Variants in FHIT observed in about 807,000 individuals in gnomAD.
FHIT encodes the protein bis(5'-adenosyl)-triphosphatase.
In FHIT, 19 loss-of-function variants were observed where a neutral mutation model predicts 17.9. The ratio of observed to expected loss-of-function variants is 1.06; its 90% CI spans 0.74 to 1.56. The LOEUF is 1.56. Ranked by LOEUF, FHIT falls within the 40% of genes most tolerant of loss-of-function variation. FHIT has a pLI of 0.00. For missense variants in FHIT, 248 were observed against 189.2 expected, an observed-to-expected ratio of 1.31 and a Z score of -1.82; for synonymous variants, 81 against 69.7, an observed-to-expected ratio of 1.16 and a Z score of -0.81.
intron 4 of FHIT, among the ~76,000 whole-genome samples, chr3:60,643,515 T>G (rs192594935): frequency 6.6e-6 from 1 of 152,038 alleles, no homozygotes; most frequent in Non-Finnish European, 1.5e-5. Context: ...CGAGGCAGAG[T>G]GATCTTAACT....
chr3:60,205,477 G>T (rs1339978889), intron 5 of FHIT, among the ~76,000 whole-genome samples: 3 of 152,160 alleles, frequency 2.0e-5, no homozygotes, highest in South Asian at 4.1e-4. Context: ...AAAGATAAAG[G>T]TTGTTCATCA....
intron 2 of FHIT, among the ~76,000 whole-genome samples, chr3:61,128,000 TA>T (rs2036660003): frequency 6.6e-6 from 1 of 152,170 alleles, no homozygotes; most frequent in Admixed American, 6.6e-5. Context: ...ATTAAACGGG[TA>T]AAAAATAGAA....
chr3:60,473,054 G>C (rs951395583), intron 5 of FHIT, among the ~76,000 whole-genome samples: 24 of 151,938 alleles, frequency 1.6e-4, no homozygotes, highest in Non-Finnish European at 3.4e-4. Context: ...TTGATCCTTT[G>C]CTTTAAAAAA....
At chr3:60,045,942 G>A (rs1192479060) in intron 5 of FHIT, among the ~76,000 whole-genome samples, 1 of 152,202 alleles carries the variant, frequency 6.6e-6, no homozygotes, top group Admixed American at 6.5e-5. Flanking sequence ...GAGGGTTAGG[G>A]TGGAGATTCT....
At position 60,984,490 on chromosome 3, in the gene FHIT, A is replaced by G. The variant is rs1710634086; in HGVS notation, c.-111+57557T>C. Among the ~76,000 whole-genome samples, 5 of 152,310 alleles carry G rather than the reference A, an allele frequency of 3.3e-5. No individual in the cohort carries two copies. In the South Asian group the frequency reaches 8.3e-4, roughly 25 times the overall value. ...TACTTGGCAAGTGAAATGTGCTATC[A>G]TATGGTACCAAGAATGTTCGCAGCT... On this transcript the variant is annotated intron_variant, in intron 3 of 9. Coordinates refer to ENST00000492590, the MANE Select transcript of FHIT (RefSeq NM_002012.4).
intron 5 of FHIT, among the ~76,000 whole-genome samples, chr3:60,181,187 C>T (rs1435933611): frequency 6.9e-6 from 1 of 144,560 alleles, no homozygotes; most frequent in East Asian, 2.1e-4. Context: ...CACTCTGTCA[C>T]CAGGCTGGAG....
At chr3:60,186,364 T>C (rs1184071206) in intron 5 of FHIT, among the ~76,000 whole-genome samples, 2 of 152,194 alleles carry the variant, frequency 1.3e-5, no homozygotes, top group Admixed American at 6.5e-5. Flanking sequence ...CTACCACCAT[T>C]TGTTGAAAAG....
chr3:60,704,743 C>A (rs755080444), intron 4 of FHIT, among the ~76,000 whole-genome samples: 1 of 152,056 alleles, frequency 6.6e-6, no homozygotes, highest in Non-Finnish European at 1.5e-5. Flanking sequence ...CAGGGTCATA[C>A]CTTCCTTACT....
intron 3 of FHIT, among the ~76,000 whole-genome samples, chr3:61,000,192 C>A (rs2107601796): frequency 6.6e-6 from 1 of 152,222 alleles, no homozygotes; most frequent in South Asian, 2.1e-4. Context: ...AGGAGGTATG[C>A]CTTTGGGAGA....
chr3:60,653,579 T>A (rs782265668), intron 4 of FHIT, among the ~76,000 whole-genome samples: 9 of 151,938 alleles, frequency 5.9e-5, no homozygotes, highest in Non-Finnish European at 1.3e-4. Flanking sequence ...GAAAGATGAA[T>A]GTTCAAAGTA....
chr3:60,640,516 G>C (rs1301164939), intron 4 of FHIT, among the ~76,000 whole-genome samples: 1 of 152,128 alleles, frequency 6.6e-6, no homozygotes, highest in Non-Finnish European at 1.5e-5. Context: ...AGTTACATGG[G>C]ATGTTTATTT....
intron 8 of FHIT, among the ~76,000 whole-genome samples, chr3:59,778,166 T>C (rs1442298144): frequency 6.6e-6 from 1 of 152,184 alleles, no homozygotes; most frequent in East Asian, 1.9e-4. Context: ...GATCAATAAG[T>C]ATCTACTGAA....
chr3:61,210,761 G>A (rs2039438234), intron 1 of FHIT, among the ~76,000 whole-genome samples: 1 of 151,968 alleles, frequency 6.6e-6, no homozygotes, highest in Non-Finnish European at 1.5e-5. Context: ...TCCCGGATAA[G>A]GCAATGCCTC....
In FHIT at chr3:60,892,296, C is replaced by A. The variant is rs1286143351; in HGVS notation, c.-110-70285G>T. 2.6e-5 allele frequency among the ~76,000 whole-genome samples: 4 copies of A among 152,100 alleles called. No homozygotes were observed. The East Asian group carries it at 7.7e-4, about 29-fold the overall frequency. On this transcript the variant is annotated intron_variant, in intron 3 of 9. Coordinates refer to ENST00000492590, the MANE Select transcript of FHIT (RefSeq NM_002012.4). ...TAAAGTAAGCAAGCCCATAGCCTCCCCTGGAAGGCACTGCCATTGTTTCCA... is the reference window on the plus strand; with the variant it reads ...TAAAGTAAGCAAGCCCATAGCCTCCACTGGAAGGCACTGCCATTGTTTCCA...
chr3:61,193,275 T>C (rs1356538126), intron 2 of FHIT, among the ~76,000 whole-genome samples: 1 of 152,214 alleles, frequency 6.6e-6, no homozygotes, highest in Non-Finnish European at 1.5e-5. Context: ...GAGCAGTTCC[T>C]TAAAGTAGTG....
Position 59,829,443 on chromosome 3 carries a change from C to T in FHIT, c.349-77122G>A, listed in dbSNP as rs1701088781. Among the ~76,000 whole-genome samples, 2 of 152,172 alleles carry T rather than the reference C, an allele frequency of 1.3e-5. 1 individual carries two copies. Among genetic ancestry groups the T allele is most frequent in the South Asian group, 4.1e-4 (2 of 4,826 alleles). On this transcript the variant is annotated intron_variant, in intron 8 of 9. Transcript: ENST00000492590. ...GAGCCCTCGAACTTCAAAATTAGATCTGTGGGAGAAAACATGTAAATCTCA... is the reference window on the plus strand; with the variant it reads ...GAGCCCTCGAACTTCAAAATTAGATTTGTGGGAGAAAACATGTAAATCTCA...
intron 8 of FHIT, among the ~76,000 whole-genome samples, chr3:59,792,631 G>A (rs1420873397): frequency 6.6e-6 from 1 of 152,094 alleles, no homozygotes; most frequent in Admixed American, 6.5e-5. Context: ...GGAAATTACA[G>A]ATGTTAAATG....
At chr3:60,101,759 C>T (rs1704200478) in intron 5 of FHIT, among the ~76,000 whole-genome samples, 1 of 152,176 alleles carries the variant, frequency 6.6e-6, no homozygotes, top group South Asian at 2.1e-4. Flanking sequence ...AGTTCCATCA[C>T]ATTCCAAGGT....
intron 4 of FHIT, among the ~76,000 whole-genome samples, chr3:60,606,823 C>T (rs1341938793): frequency 2.6e-5 from 4 of 152,158 alleles, no homozygotes; most frequent in Non-Finnish European, 5.9e-5. Flanking sequence ...TTGATACTTT[C>T]CTGTTTCTAA....
Sources: gnomAD v4.1 joint callset for allele counts (sites outside exome capture counted in the v4.1 genomes callset) on GRCh38, gnomAD v4.1.1 for gene constraint, MANE v1.5 for transcripts, NCBI Gene and HGNC (gene_info 2026-07-23, HGNC 2026-07-21) for gene names.